Variants in RGS3 observed in about 807,000 individuals in gnomAD.
RGS3 encodes the protein regulator of G-protein signalling 3.
In RGS3, 80 loss-of-function variants were observed where a neutral mutation model predicts 132.6. That is an observed-to-expected ratio of 0.60 (90% CI 0.50 to 0.73). The LOEUF is 0.73. Ranked by LOEUF, RGS3 falls within the 30% of genes least tolerant of loss-of-function variation. The pLI is 0.00. For missense variants in RGS3, 1,382 were observed against 1,530.8 expected, an observed-to-expected ratio of 0.90 and a Z score of 1.62; for synonymous variants, 598 against 620.6, an observed-to-expected ratio of 0.96 and a Z score of 0.54.
Position 113,541,232 on chromosome 9 carries a change from C to T in RGS3, c.2037+4314C>T, listed in dbSNP as rs1588223753. The T allele has an allele frequency of 3.5e-6, 5 of 1,433,322 alleles. No individual in the cohort carries two copies. The East Asian group carries it at 7.0e-5, about 20-fold the overall frequency. 88.8% of individuals were successfully genotyped at this position (1,433,322 alleles called of 1,614,324 possible). On this transcript the variant is annotated intron_variant, in intron 19 of 24. Coordinates refer to ENST00000350696, the Ensembl canonical transcript of RGS3. ...TGGAGATGCCAGGGTGTGTGAGTGC[C>T]TTAGAAAGGAACAGAGGCAGGTCCT...
At chr9:113,448,565 T>C (rs1829169114) in intron 1 of RGS3, among the ~76,000 whole-genome samples, 1 of 152,200 alleles carries the variant, frequency 6.6e-6, no homozygotes, top group South Asian at 2.1e-4. Context: ...GAAGTTCTCC[T>C]CTTTCACTTT....
chr9:113,555,529 G>A (rs538762345), intron 19 of RGS3, among the ~76,000 whole-genome samples: 30 of 151,866 alleles, frequency 2.0e-4, no homozygotes, highest in African/African-American at 6.5e-4. Context: ...GTGTAGTGGT[G>A]CAATCTCGGC....
At chr9:113,483,081 C>G (rs940478988) in exon 5 of RGS3, 1 of 1,613,922 alleles carries the variant, frequency 6.2e-7, no homozygotes, top group South Asian at 1.1e-5. Context: ...AAGGCCTGAT[C>G]AGCAAACAGC....
intron 7 of RGS3, among the ~76,000 whole-genome samples, chr9:113,494,776 T>C (rs1234400517): frequency 1.3e-5 from 2 of 152,216 alleles, no homozygotes; most frequent in East Asian, 3.9e-4. Flanking sequence ...ACCTGGCCCA[T>C]GCCATCATTA....
rs557268872 is a variant in RGS3 at position 113,594,718 on chromosome 9, G to A, written c.3182+187G>A. On this transcript the variant is annotated intron_variant, in intron 22 of 24. Coordinates refer to ENST00000350696, the Ensembl canonical transcript of RGS3. ...CCTCACAGGGAGCAGCTGCCCTAGG[G>A]GGAAGGCTAGGTGGGGTGGAGATGG... Among the ~76,000 whole-genome samples, 92 of 152,222 alleles carry A rather than the reference G, an allele frequency of 6.0e-4. 1 individual carries two copies. The South Asian group carries it at 0.018, about 30-fold the overall frequency.
chr9:113,583,115 T>A (rs757036885), intron 19 of RGS3: 2 of 331,174 alleles, frequency 6.0e-6, no homozygotes, highest in Non-Finnish European at 1.1e-5. Flanking sequence ...GCTTCTTTTA[T>A]AGGGTTGTCG....
intron 18 of RGS3, among the ~76,000 whole-genome samples, chr9:113,536,293 TG>T (rs1362447957): frequency 1.3e-5 from 2 of 152,202 alleles, no homozygotes; most frequent in African/African-American, 2.4e-5. Flanking sequence ...AGTTGCTGTT[TG>T]GGTTCTGTTG....
intron 19 of RGS3, among the ~76,000 whole-genome samples, chr9:113,547,526 T>C (rs575493819): frequency 1.4e-3 from 209 of 152,352 alleles, no homozygotes; most frequent in Middle Eastern, 3.4e-3. Flanking sequence ...TTGAACTCTT[T>C]TGTTTCAACT....
At chr9:113,588,530 A>T (rs1036098398) in intron 20 of RGS3, among the ~76,000 whole-genome samples, 2 of 152,206 alleles carry the variant, frequency 1.3e-5, no homozygotes, top group Non-Finnish European at 2.9e-5. Context: ...GTTAGTTCAG[A>T]GAGCCCAGGC....
chr9:113,495,717 A>T, intron 7 of RGS3, 69 bp from the exon 6 acceptor site: 1 of 1,283,626 alleles, frequency 7.8e-7, no homozygotes, highest in South Asian at 1.2e-5. Context: ...CCCATGCTAT[A>T]CTTGATAATG....
chr9:113,455,010 C>T (rs1829336295), intron 1 of RGS3, among the ~76,000 whole-genome samples: 1 of 152,138 alleles, frequency 6.6e-6, no homozygotes, highest in Non-Finnish European at 1.5e-5. Context: ...TGACTGTCTC[C>T]TCTCTGGTAC....
chr9:113,576,267 G>A (rs1834518135), intron 19 of RGS3, among the ~76,000 whole-genome samples: 1 of 151,918 alleles, frequency 6.6e-6, no homozygotes, highest in Admixed American at 6.6e-5. Flanking sequence ...TGATGCTGCT[G>A]CTGGCTCTTG....
intron 10 of RGS3, 122 bp from the exon 9 acceptor site, chr9:113,505,320 G>A (rs75626382): frequency 0.027 from 21,103 of 780,514 alleles, 364 homozygotes; most frequent in Non-Finnish European, 0.035. Flanking sequence ...GCTCCTTTGT[G>A]CCTCCAGTTC....
chr9:113,525,932 T>G (rs1033128557), intron 17 of RGS3, among the ~76,000 whole-genome samples: 11 of 152,182 alleles, frequency 7.2e-5, no homozygotes, highest in Non-Finnish European at 1.5e-4. Context: ...GGTAGTCACT[T>G]AAATCTTGTC....
rs1831194668 is a variant in RGS3 at position 113,507,597 on chromosome 9, C to A, written c.1396C>A (p.Pro466Thr). 4 of 1,508,192 alleles carry A rather than the reference C, an allele frequency of 2.7e-6. No individual in the cohort carries two copies. Among genetic ancestry groups the A allele is most frequent in the Non-Finnish European group, 3.6e-6 (4 of 1,125,204 alleles). The allele number at this position is 1,508,192 out of a possible 1,614,324, so 93.4% of individuals were successfully genotyped here. ...GTCCCGTGCCACTGCCCCCACCGAC[C>A]CCAACTACATCATCCTGGCCCCGCT... is the stretch of plus-strand genomic sequence containing the variant. The change falls in exon 13 of 25, where the codon CCC becomes ACC. Residue 466 changes from proline (P) to threonine (T), a missense_variant. Coordinates refer to ENST00000350696, the Ensembl canonical transcript of RGS3. This position sits in a 1 kb window ranked among gnomAD's most constrained non-coding sequence, Gnocchi z 5.0.
chr9:113,458,563 A>G (rs1829408608), upstream of RGS3, among the ~76,000 whole-genome samples: 1 of 152,216 alleles, frequency 6.6e-6, no homozygotes, highest in Non-Finnish European at 1.5e-5. Context: ...TGTGGGGTAT[A>G]GATGTATTCT....
rs542636282 is a variant in RGS3 at position 113,552,838 on chromosome 9, A to G, written c.2037+15920A>G. On this transcript the variant is annotated intron_variant, in intron 19 of 24. Transcript: ENST00000350696. ...AAAGAATTTCATATAGGTCTTGCACATTTTTTGTTAAATTTATTTGAGGGA... is the reference window on the plus strand; with the variant it reads ...AAAGAATTTCATATAGGTCTTGCACGTTTTTTGTTAAATTTATTTGAGGGA... Among the ~76,000 whole-genome samples, 20 of 152,310 alleles carry G rather than the reference A, an allele frequency of 1.3e-4. No homozygotes were observed. In the South Asian group the frequency reaches 3.9e-3, roughly 30 times the overall value.
rs568797845 is a variant in RGS3, at chr9:113,527,901, C to T, written c.1871-1320C>T. Among the ~76,000 whole-genome samples the T allele has an allele frequency of 2.0e-5, 3 of 152,318 alleles. No individual in the cohort carries two copies. In the South Asian group the frequency reaches 6.2e-4, roughly 32 times the overall value. ...CTGGTGCTTTGAGAGGACAGAGGAG[C>T]TGGATAGGGCATATGTGGTGGGCAT... On this transcript the variant is annotated intron_variant, in intron 17 of 24. Transcript: ENST00000350696.
intron 3 of RGS3, among the ~76,000 whole-genome samples, chr9:113,471,835 G>A (rs901309218): frequency 2.0e-5 from 3 of 152,106 alleles, no homozygotes; most frequent in African/African-American, 7.2e-5. Context: ...CTCATCGCAT[G>A]GACCTCTTCG....
Sources: gnomAD v4.1 joint callset for allele counts (sites outside exome capture counted in the v4.1 genomes callset) on GRCh38, gnomAD v4.1.1 for gene constraint, Gnocchi (gnomAD v3.1) non-coding constraint, MANE v1.5 for transcripts, NCBI Gene and HGNC (gene_info 2026-07-23, HGNC 2026-07-21) for gene names.